COL4A1: variants seen among roughly 807,000 people sequenced by gnomAD.
COL4A1 encodes collagen type IV alpha 1 chain, also known as collagen alpha-1(IV) chain.
Under a neutral mutation model 216.6 loss-of-function variants are expected in COL4A1, and 40 were observed. The ratio of observed to expected loss-of-function variants is 0.18; its 90% CI spans 0.14 to 0.24. The LOEUF (loss-of-function observed/expected upper bound fraction) is 0.24, where lower values mean the gene tolerates loss of function less well. COL4A1 is among the 10% of genes least tolerant of loss of function. The pLI, the probability that COL4A1 is intolerant of heterozygous loss-of-function variation, is 1.00. For missense variants in COL4A1, 1,628 were observed against 2,196.8 expected, an observed-to-expected ratio of 0.74 and a Z score of 5.18; for synonymous variants, 839 against 810.7, an observed-to-expected ratio of 1.03 and a Z score of -0.59.
At chr13:110,266,282 C>A (rs553194053) in intron 1 of COL4A1, among the ~76,000 whole-genome samples, 47 of 152,314 alleles carry the variant, frequency 3.1e-4, no homozygotes, top group African/African-American at 1.0e-3. Context: ...CCGGGCCAGC[C>A]GAAGGGACGC....
Position 110,213,976 on chromosome 13 carries a change from A to G in COL4A1, c.184T>C (p.Phe62Leu). The change falls in exon 3 of 52, where the codon TTT becomes CTT. Residue 62 changes from phenylalanine (F) to leucine (L), a missense_variant. This residue lies in a region of COL4A1 where 150 missense variants were observed against 211.9 expected (regional missense o/e 0.71). Coordinates refer to ENST00000375820, the MANE Select transcript of COL4A1 (RefSeq NM_001845.6). The part of the protein sequence containing the change: ...GLPGLQGVIG[F>L]PGMQGPEGPQ... ...CCCTCAGGTCCTTGCATTCCAGGAAACCCAATGACACCTTGTAACCCCGGG... is the reference window on the plus strand; with the variant it reads ...CCCTCAGGTCCTTGCATTCCAGGAAGCCCAATGACACCTTGTAACCCCGGG... The G allele has an allele frequency of 6.2e-7, 1 of 1,613,960 alleles. No individual in the cohort carries two copies. The highest frequency in any genetic ancestry group is 1.7e-5 in the Admixed American group (1 of 60,000).
intron 1 of COL4A1, among the ~76,000 whole-genome samples, chr13:110,296,392 CTCTTA>C (rs1283259491): frequency 2.0e-5 from 3 of 152,164 alleles, no homozygotes; most frequent in East Asian, 1.9e-4. Context: ...AGAAGCTGAT[CTCTTA>C]TAAGAAATAA....
intron 21 of COL4A1, among the ~76,000 whole-genome samples, 168 bp from the exon 22 acceptor site, chr13:110,195,286 T>C (rs932654258): frequency 6.6e-6 from 1 of 152,208 alleles, no homozygotes; most frequent in African/African-American, 2.4e-5. Context: ...TTGCAAAACA[T>C]AATCACCACA....
In COL4A1 at chr13:110,150,195, T is replaced by C; in HGVS notation, c.*168A>G. 1 of 698,188 alleles carries C rather than the reference T, an allele frequency of 1.4e-6. No individual in the cohort carries two copies. Among genetic ancestry groups the C allele is most frequent in the Non-Finnish European group, 2.6e-6 (1 of 386,258 alleles). 43.2% of individuals were successfully genotyped at this position (698,188 alleles called of 1,614,324 possible). A position where few individuals can be genotyped will look rare whatever the true frequency, so the allele number is the denominator to read the frequency against. ...CGCTGTCTTTTTCTCCTTCAGCAAG[T>C]AGAGGTCAATGAAGCAGGGTGTGTT... On this transcript the variant is annotated 3_prime_UTR_variant, in exon 52 of 52. Transcript: ENST00000375820.
At chr13:110,281,997 G>A (rs576275397) in intron 1 of COL4A1, among the ~76,000 whole-genome samples, 1 of 152,236 alleles carries the variant, frequency 6.6e-6, no homozygotes, top group Admixed American at 6.5e-5. Context: ...GCGTGTCCTC[G>A]CCTCACCTTA....
chr13:110,264,777 T>C (rs1304002806), intron 1 of COL4A1, among the ~76,000 whole-genome samples: 1 of 152,134 alleles, frequency 6.6e-6, no homozygotes, highest in Non-Finnish European at 1.5e-5. Flanking sequence ...TTTCCTTCCA[T>C]CTCTCCTTCC....
intron 2 of COL4A1, among the ~76,000 whole-genome samples, chr13:110,232,614 G>C (rs561713387): frequency 6.6e-6 from 1 of 152,122 alleles, no homozygotes; most frequent in Non-Finnish European, 1.5e-5. Context: ...GTTTTGTCAA[G>C]ATCATATTTA....
chr13:110,174,879 T>G, intron 37 of COL4A1, 130 bp from the exon 38 acceptor site: 2 of 1,001,124 alleles, frequency 2.0e-6, no homozygotes. Flanking sequence ...TCCAGATTTC[T>G]CATCAAAGAA....
chr13:110,237,148 T>A (rs111510422), intron 2 of COL4A1, among the ~76,000 whole-genome samples: 1,767 of 152,248 alleles, frequency 0.012, 33 homozygotes, highest in African/African-American at 0.041. Context: ...GCAGGTGGCC[T>A]GGGGCGCAGT....
chr13:110,227,578 G>T (rs944842126), intron 2 of COL4A1, among the ~76,000 whole-genome samples: 1 of 152,100 alleles, frequency 6.6e-6, no homozygotes, highest in African/African-American at 2.4e-5. Context: ...TGAGGTCTGG[G>T]ACACATCACT....
chr13:110,170,420 T>C, intron 42 of COL4A1, 127 bp downstream of exon 42: 1 of 1,016,178 alleles, frequency 9.8e-7, no homozygotes, highest in Non-Finnish European at 1.5e-6. Context: ...AATTTCAAGC[T>C]GTAATAAATG....
chr13:110,162,322 T>C lies in COL4A1; in HGVS notation c.4370A>G (p.Asp1457Gly), dbSNP rs759232482. ...LVTRHSQTID[D>G]PQCPSGTKIL... ...TTTGGTCCCAGAAGGACACTGTGGG[T>C]CATCTATTGTTTGACTATGCCTGGT... Residue 1457 changes from aspartate to glycine, a missense_variant, in exon 48 of 52, where the codon GAC (aspartate) becomes GGC (glycine). Physicochemically the swap from Asp to Gly is moderately conservative, Grantham distance 94. Transcript: ENST00000375820. 6.2e-7 allele frequency: 1 copy of C among 1,614,092 alleles called. No individual in the cohort carries two copies. The highest frequency in any genetic ancestry group is 8.5e-7 in the Non-Finnish European group (1 of 1,180,028).
At chr13:110,170,330 T>C (rs1877575687) in intron 42 of COL4A1, among the ~76,000 whole-genome samples, 2 of 152,226 alleles carry the variant, frequency 1.3e-5, no homozygotes, top group Admixed American at 6.5e-5. Flanking sequence ...AATCATTTCC[T>C]TTCTTGCATC....
At chr13:110,164,830 C>G in intron 46 of COL4A1, 32 bp downstream of exon 46, 1 of 1,611,854 alleles carries the variant, frequency 6.2e-7, no homozygotes, top group East Asian at 2.2e-5. Context: ...CTGGGCTCCC[C>G]ATACCGCCCT....
chr13:110,183,007 G>C lies in COL4A1; in HGVS notation c.2081C>G (p.Pro694Arg). 6.2e-7 allele frequency: 1 copy of C among 1,612,754 alleles called. No homozygotes were observed. The highest frequency in any genetic ancestry group is 8.5e-7 in the Non-Finnish European group (1 of 1,179,736). ...VGQPGIGFPG[P>R]PGPKGVDGLP... ...GGCAGGGTTACCTTTGGGGCCGGGG[G>C]GCCCTGGAAATCCAATGCCTGGCTG... Residue 694 changes from proline (P) to arginine (R), a missense_variant, in exon 28 of 52, where the codon CCC (proline) becomes CGC (arginine). By Grantham distance (103) the Pro-to-Arg change is moderately radical (BLOSUM62 -2). Transcript: ENST00000375820.
chr13:110,168,533 C>T (rs1469316666), intron 43 of COL4A1, among the ~76,000 whole-genome samples: 1 of 152,182 alleles, frequency 6.6e-6, no homozygotes, highest in Non-Finnish European at 1.5e-5. Context: ...GCCAGTTCTG[C>T]ATAATTATTT....
chr13:110,165,474 T>G (rs1877293172), intron 45 of COL4A1, among the ~76,000 whole-genome samples: 1 of 152,138 alleles, frequency 6.6e-6, no homozygotes, highest in Non-Finnish European at 1.5e-5. Context: ...AGTCTTGGCA[T>G]GTGGTAAGAA....
rs1051433399 is a variant in COL4A1, at chr13:110,149,587, T to C, written c.*776A>G. 6.6e-6 allele frequency: 1 copy of C among 152,626 alleles called. No homozygotes were observed. The highest frequency in any genetic ancestry group is 1.5e-5 in the Non-Finnish European group (1 of 68,036). 9.5% of individuals were successfully genotyped at this position (152,626 alleles called of 1,614,324 possible). A position where few individuals can be genotyped will look rare whatever the true frequency, so the allele number is the denominator to read the frequency against. ...GGATGTTTCACATTCAATATCCTAG[T>C]CTTTAAAAACCTATGTTAAAGGACA... On this transcript the variant is annotated 3_prime_UTR_variant, in exon 52 of 52. Transcript: ENST00000375820.
chr13:110,218,136 T>C (rs1213756933), intron 2 of COL4A1, among the ~76,000 whole-genome samples: 1 of 152,160 alleles, frequency 6.6e-6, no homozygotes, highest in African/African-American at 2.4e-5. Flanking sequence ...GGGGAAAATA[T>C]AATTACCAAC....
Sources: gnomAD v4.1 joint callset for allele counts (sites outside exome capture counted in the v4.1 genomes callset) on GRCh38, gnomAD v4.1.1 for gene constraint, gnomAD v4.1.1 regional missense constraint, MANE v1.5 for transcripts, NCBI Gene and HGNC (gene_info 2026-07-23, HGNC 2026-07-21) for gene names.